The following RTL4 variants were observed in gnomAD, a reference collection of about 807,000 sequenced individuals.
The protein encoded by RTL4 is retrotransposon Gag-like protein 4.
RTL4 carries 4 observed loss-of-function variants against 5.3 expected under a neutral mutation model. The ratio of observed to expected loss-of-function variants is 0.75; its 90% confidence interval spans 0.37 to 1.72. RTL4 has a LOEUF of 1.72. Among genes scored for constraint, RTL4 ranks in the 40% most tolerant of loss-of-function variants. The pLI is 0.04. For synonymous variants in RTL4, 98 were observed against 87.3 expected (o/e 1.12, Z -0.68); for missense variants, 260 against 227.1 (o/e 1.14, Z -0.93).
chrX:112,155,311 G>A, the RTL4 span, among the ~76,000 whole-genome samples: 1 of 110,166 alleles, frequency 9.1e-6, no homozygotes, highest in South Asian at 3.9e-4. Flanking sequence ...TTTTTGATCA[G>A]CTTCTTAATT....
At chrX:112,312,793 A>G in the RTL4 span, among the ~76,000 whole-genome samples, 1,639 of 111,238 alleles carry the variant, frequency 0.015, 14 homozygotes, top group African/African-American at 0.051. Flanking sequence ...AGCTGCCTCC[A>G]GGTCCTGTTT....
the RTL4 span, among the ~76,000 whole-genome samples, chrX:112,235,515 A>C: frequency 1.8e-5 from 2 of 112,056 alleles, no homozygotes; most frequent in African/African-American, 6.5e-5. Flanking sequence ...CAGGACTCTG[A>C]CTATGTCTTC....
chrX:112,396,172 G>A, the RTL4 span, among the ~76,000 whole-genome samples: 57 of 110,655 alleles, frequency 5.2e-4, no homozygotes, highest in Admixed American at 9.6e-5. Flanking sequence ...TGAGAACTCC[G>A]TCCATGGGTG....
At chrX:112,233,695 C>T in the RTL4 span, among the ~76,000 whole-genome samples, 8 of 111,176 alleles carry the variant, frequency 7.2e-5, no homozygotes, top group Admixed American at 1.9e-4. Flanking sequence ...GGCAATGCAC[C>T]TAATCTTTCT....
At chrX:112,189,651 C>T in the RTL4 span, among the ~76,000 whole-genome samples, 1 of 110,957 alleles carries the variant, frequency 9.0e-6, no homozygotes, top group African/African-American at 3.3e-5. Flanking sequence ...GTAATCCCAG[C>T]CACTTGGGAG....
chrX:112,263,200 T>TAAA, the RTL4 span, among the ~76,000 whole-genome samples: 108 of 86,525 alleles, frequency 1.2e-3, no homozygotes, highest in African/African-American at 3.7e-3. Context: ...ACTTAAAGTA[T>TAAA]AAAAAAAAAA....
chrX:112,291,837 C>T, the RTL4 span, among the ~76,000 whole-genome samples: 10 of 110,433 alleles, frequency 9.1e-5, no homozygotes, highest in Middle Eastern at 4.6e-3. Flanking sequence ...CCTCGTAATC[C>T]GCCCCCCTCG....
the RTL4 span, among the ~76,000 whole-genome samples, chrX:112,206,023 C>T: frequency 8.9e-6 from 1 of 111,869 alleles, no homozygotes; most frequent in Non-Finnish European, 1.9e-5. Flanking sequence ...TTTCCCTGTG[C>T]ACATTTTGAA....
At chrX:112,352,171 T>A in the RTL4 span, among the ~76,000 whole-genome samples, 1 of 111,198 alleles carries the variant, frequency 9.0e-6, no homozygotes. Context: ...AAAATTCTTT[T>A]CTTTAAGAAT....
At chrX:112,378,955 C>G in the RTL4 span, among the ~76,000 whole-genome samples, 1 of 112,642 alleles carries the variant, frequency 8.9e-6, no homozygotes, top group Admixed American at 9.3e-5. Flanking sequence ...TTCATGTTGA[C>G]TGAAACTGAC....
the RTL4 span, among the ~76,000 whole-genome samples, chrX:112,255,563 T>C: frequency 9.0e-6 from 1 of 111,678 alleles, no homozygotes; most frequent in African/African-American, 3.3e-5. Context: ...GAGTCTGGCA[T>C]GTAGTAGGCA....
At chrX:112,133,330 T>C in the RTL4 span, among the ~76,000 whole-genome samples, 12 of 112,175 alleles carry the variant, frequency 1.1e-4, no homozygotes, top group African/African-American at 3.9e-4. Flanking sequence ...ATACCAAGAA[T>C]AATAATGATA....
chrX:112,451,344 C>T (rs906061836), upstream of RTL4, among the ~76,000 whole-genome samples: 1 of 110,687 alleles, frequency 9.0e-6, no homozygotes, highest in Non-Finnish European at 1.9e-5. Context: ...CAAACAACAA[C>T]AAAAAATAGC....
chrX:112,445,531 A>G, the RTL4 span, among the ~76,000 whole-genome samples: 5 of 111,766 alleles, frequency 4.5e-5, no homozygotes, highest in Non-Finnish European at 9.4e-5. Flanking sequence ...AAACTTGGCC[A>G]AGTTCTTATG....
the RTL4 span, among the ~76,000 whole-genome samples, chrX:112,435,311 T>A: frequency 8.9e-6 from 1 of 111,908 alleles, no homozygotes; most frequent in Non-Finnish European, 1.9e-5. Context: ...CTTCAGAACA[T>A]GCTCAGATTG....
chrX:112,266,741 ACT>A, the RTL4 span, among the ~76,000 whole-genome samples: 1 of 110,595 alleles, frequency 9.0e-6, no homozygotes, highest in Non-Finnish European at 1.9e-5. Context: ...TTTGGTATGG[ACT>A]CTCAGCCCAT....
At chrX:112,306,774 C>G in the RTL4 span, among the ~76,000 whole-genome samples, 1 of 111,502 alleles carries the variant, frequency 9.0e-6, no homozygotes, top group Non-Finnish European at 1.9e-5. Context: ...AGTCTTCCCA[C>G]AGTATTCAGT....
chrX:112,212,027 C>T, the RTL4 span, among the ~76,000 whole-genome samples: 1 of 112,216 alleles, frequency 8.9e-6, no homozygotes, highest in South Asian at 3.8e-4. Context: ...AATTATCTCA[C>T]CTGTAAACTA....
At chrX:112,097,028 A>G in the RTL4 span, among the ~76,000 whole-genome samples, 1 of 112,158 alleles carries the variant, frequency 8.9e-6, no homozygotes, top group Non-Finnish European at 1.9e-5. Context: ...AGGTTATATA[A>G]CAGAATGCAA....
Sources: allele counts gnomAD v4.1 joint callset (sites outside exome capture counted in the v4.1 genomes callset), GRCh38; gene constraint gnomAD v4.1.1; transcripts MANE v1.5; gene names NCBI Gene and HGNC (gene_info 2026-07-23, HGNC 2026-07-21).